CSN3: variants seen among roughly 807,000 people sequenced by gnomAD.
CSN3 encodes casein kappa.
A neutral mutation model predicts 9.9 loss-of-function variants in CSN3; 7 were observed. The ratio of observed to expected loss-of-function variants is 0.71; its 90% CI spans 0.40 to 1.33. The LOEUF is 1.33. Ranked by LOEUF, CSN3 falls within the 40% of genes most tolerant of loss-of-function variation. The pLI, the probability that CSN3 is intolerant of heterozygous loss-of-function variation, is 0.01. For missense variants in CSN3, 253 were observed against 227.9 expected (o/e 1.11, Z -0.71); for synonymous variants, 88 against 82.3 (o/e 1.07, Z -0.37).
chr4:70,247,920 T>C, intron 3 of CSN3, 70 bp downstream of exon 3: 1 of 1,099,102 alleles, frequency 9.1e-7, no homozygotes, highest in Non-Finnish European at 1.3e-6. Context: ...GTCAATTGTA[T>C]TATAGATGCC....
chr4:70,240,090 A>G (rs1046151301), upstream of CSN3, among the ~76,000 whole-genome samples: 1 of 152,002 alleles, frequency 6.6e-6, no homozygotes, highest in African/African-American at 2.4e-5. Flanking sequence ...CAGAAAAAAT[A>G]AAACTACATG....
chr4:70,249,654 A>G (rs1730447962), intron 4 of CSN3, among the ~76,000 whole-genome samples, 161 bp downstream of exon 4: 1 of 152,212 alleles, frequency 6.6e-6, no homozygotes, highest in African/African-American at 2.4e-5. Context: ...CATAGCATTG[A>G]TACACCAGAT....
chr4:70,240,522 C>T (rs1323484395), upstream of CSN3, among the ~76,000 whole-genome samples: 2 of 151,978 alleles, frequency 1.3e-5, no homozygotes, highest in African/African-American at 2.4e-5. Flanking sequence ...TCAGCACCAT[C>T]GCAGCTTCCT....
rs140709196 is a variant in CSN3, at chr4:70,244,256, C to G, written c.-8-556C>G. 5.3e-5 allele frequency among the ~76,000 whole-genome samples: 8 copies of G among 152,182 alleles called. No homozygotes were observed. In the East Asian group the frequency reaches 1.4e-3, roughly 26 times the overall value. On this transcript the variant is annotated intron_variant, in intron 1 of 4. Coordinates refer to ENST00000304954, the Ensembl canonical transcript of CSN3. The stretch of plus-strand genomic sequence containing the variant: ...ACTTTTTCTGCTCTAAACTTTCCTT[C>G]CAATCTTATATTTCCCTTCTCATAC...
At chr4:70,251,105 T>C (rs539863401) in intron 4 of CSN3, among the ~76,000 whole-genome samples, 157 bp from the exon 5 acceptor site, 2 of 152,230 alleles carry the variant, frequency 1.3e-5, no homozygotes, top group Non-Finnish European at 2.9e-5. Context: ...TTCAGTTTAC[T>C]ATATGCCTAT....
At chr4:70,247,484 T>C (rs1730403288) in intron 2 of CSN3, among the ~76,000 whole-genome samples, 1 of 152,132 alleles carries the variant, frequency 6.6e-6, no homozygotes. Flanking sequence ...GTATATTTAA[T>C]AAAAACTAAA....
At chr4:70,248,771 AATATT>A (rs1430350907) in intron 3 of CSN3, among the ~76,000 whole-genome samples, 4 of 151,046 alleles carry the variant, frequency 2.6e-5, no homozygotes, top group African/African-American at 9.7e-5. Flanking sequence ...TCTTGAAACA[AATATT>A]ATATTAATAT....
At chr4:70,249,937 T>A (rs549992961) in intron 4 of CSN3, among the ~76,000 whole-genome samples, 1 of 152,334 alleles carries the variant, frequency 6.6e-6, no homozygotes, top group East Asian at 1.9e-4. Context: ...CATTGTAGTA[T>A]GAACAGAGTA....
chr4:70,242,974 T>C (rs1210744576), intron 1 of CSN3, among the ~76,000 whole-genome samples: 1 of 152,138 alleles, frequency 6.6e-6, no homozygotes, highest in Non-Finnish European at 1.5e-5. Flanking sequence ...GAGAGTTAAC[T>C]CCACAGGAAG....
rs150059997 is a variant in CSN3, at chr4:70,249,508, T to C, written c.*34+15T>C. On this transcript the variant is annotated intron_variant, in intron 4 of 4. Transcript: ENST00000304954. ...ACACAACGCAGGTAAATTAACAGTA[T>C]ATAAAATGAGTAATTCCGACAAGAA... 1,047 of 1,409,652 alleles carry C rather than the reference T, an allele frequency of 7.4e-4. 5 individuals carry two copies. The African/African-American group carries it at 0.014, about 18-fold the overall frequency. 87.3% of individuals were successfully genotyped at this position (1,409,652 alleles called of 1,614,324 possible).
intron 2 of CSN3, among the ~76,000 whole-genome samples, chr4:70,245,887 T>C (rs1340956356): frequency 6.6e-6 from 1 of 152,164 alleles, no homozygotes; most frequent in Non-Finnish European, 1.5e-5. Context: ...TGTGGTCACC[T>C]GAACATTTGG....
At chr4:70,249,726 C>T (rs6811366) in intron 4 of CSN3, among the ~76,000 whole-genome samples, 17,371 of 152,132 alleles carry the variant, frequency 0.11, 1,305 homozygotes, top group East Asian at 0.27. Flanking sequence ...TTGGCAACTT[C>T]ATTATCAAAC....
chr4:70,247,754 T>C, intron 2 of CSN3, 64 bp from the exon 3 acceptor site: 1 of 1,302,876 alleles, frequency 7.7e-7, no homozygotes, highest in South Asian at 1.3e-5. Context: ...TTTTAACTGA[T>C]TTAAGTACTT....
At chr4:70,248,739 T>G (rs1043406110) in intron 3 of CSN3, among the ~76,000 whole-genome samples, 5 of 152,050 alleles carry the variant, frequency 3.3e-5, no homozygotes, top group African/African-American at 1.2e-4. Context: ...ATGGTTTACA[T>G]TATGAATAAA....
chr4:70,245,643 G>A lies in CSN3; in HGVS notation c.54+770G>A, dbSNP rs529240243. Among the ~76,000 whole-genome samples, 4 of 152,060 alleles carry A rather than the reference G, an allele frequency of 2.6e-5. No homozygotes were observed. In the South Asian group the frequency reaches 6.2e-4, roughly 24 times the overall value. ...GACAAAGGAGGCAAGCATAAATAAT[G>A]GTATATGTCCTCCTCCTAGATTGTA... On this transcript the variant is annotated intron_variant, in intron 2 of 4. Transcript: ENST00000304954.
chr4:70,244,801 T>A lies in CSN3; in HGVS notation c.-8-11T>A. 6.8e-7 allele frequency: 1 copy of A among 1,479,488 alleles called. No individual in the cohort carries two copies. Among genetic ancestry groups the A allele is most frequent in the Non-Finnish European group, 9.1e-7 (1 of 1,103,870 alleles). 91.6% of individuals were successfully genotyped at this position (1,479,488 alleles called of 1,614,324 possible). A position where few individuals can be genotyped will look rare whatever the true frequency, so the allele number is the denominator to read the frequency against. On this transcript the variant is annotated splice_polypyrimidine_tract_variant and intron_variant, in intron 1 of 4. Coordinates refer to ENST00000304954, the Ensembl canonical transcript of CSN3. ...TCTTTTAAATTAATTTTTTTTTAAA[T>A]TTATCTTTAGGTGCAATAATGAAGA...
upstream of CSN3, among the ~76,000 whole-genome samples, chr4:70,239,791 G>T (rs1357988433): frequency 6.6e-6 from 1 of 151,972 alleles, no homozygotes; most frequent in Non-Finnish European, 1.5e-5. Context: ...CTACAGGAGA[G>T]TAAAATTTTG....
chr4:70,249,547 A>T, intron 4 of CSN3, 54 bp downstream of exon 4: 1 of 1,021,556 alleles, frequency 9.8e-7, no homozygotes, highest in Non-Finnish European at 1.4e-6. Flanking sequence ...TGGATTTATG[A>T]ATACAACCAT....
upstream of CSN3, among the ~76,000 whole-genome samples, chr4:70,241,410 G>T (rs1455898052): frequency 6.6e-6 from 1 of 151,938 alleles, no homozygotes; most frequent in Admixed American, 6.6e-5. Context: ...TCTAAGACAT[G>T]CAATACTTCT....
Sources: allele counts gnomAD v4.1 joint callset (sites outside exome capture counted in the v4.1 genomes callset), GRCh38; gene constraint gnomAD v4.1.1; transcripts MANE v1.5; gene names NCBI Gene and HGNC (gene_info 2026-07-23, HGNC 2026-07-21).